AFG2A: variants seen among roughly 807,000 people sequenced by gnomAD.
The protein encoded by AFG2A is AAA ATPase AFG2A.
the AFG2A span, among the ~76,000 whole-genome samples, chr4:123,138,520 G>T: frequency 6.6e-6 from 1 of 151,936 alleles, no homozygotes; most frequent in Non-Finnish European, 1.5e-5. Flanking sequence ...AAACATTTTT[G>T]ATATTGTTGA....
chr4:123,231,955 A>G, the AFG2A span, among the ~76,000 whole-genome samples: 1 of 151,952 alleles, frequency 6.6e-6, no homozygotes, highest in Non-Finnish European at 1.5e-5. Context: ...CAGTAAAAAC[A>G]TCAAAGAACA....
the AFG2A span, among the ~76,000 whole-genome samples, chr4:123,130,489 T>A: frequency 1.3e-5 from 2 of 152,224 alleles, no homozygotes; most frequent in Non-Finnish European, 2.9e-5. Flanking sequence ...TTTGCCCATT[T>A]CCCAAATGTC....
At chr4:123,001,169 A>C in the AFG2A span, among the ~76,000 whole-genome samples, 2 of 146,250 alleles carry the variant, frequency 1.4e-5, no homozygotes, top group East Asian at 4.2e-4. Context: ...ATCATTTTTT[A>C]TTGCGTTTAT....
At chr4:122,923,087 G>C in the AFG2A span, 5 of 1,606,282 alleles carry the variant, frequency 3.1e-6, no homozygotes, top group Non-Finnish European at 4.3e-6. Context: ...TCTCTCAGTT[G>C]AAGCGCGCAC....
the AFG2A span, among the ~76,000 whole-genome samples, chr4:123,040,344 A>G: frequency 6.6e-6 from 1 of 152,178 alleles, no homozygotes; most frequent in African/African-American, 2.4e-5. Context: ...ATTATATGAG[A>G]TTAATCTACA....
chr4:123,194,952 G>T, the AFG2A span, among the ~76,000 whole-genome samples: 1 of 152,090 alleles, frequency 6.6e-6, no homozygotes, highest in Non-Finnish European at 1.5e-5. Context: ...AAGAAAATAA[G>T]CCAAATGCAA....
At chr4:123,090,500 A>G in the AFG2A span, 28 of 1,522,010 alleles carry the variant, frequency 1.8e-5, no homozygotes, top group East Asian at 2.5e-5. Context: ...GTTATAGACT[A>G]TAGAACCTTT....
chr4:123,205,043 A>C, the AFG2A span, among the ~76,000 whole-genome samples: 1 of 152,208 alleles, frequency 6.6e-6, no homozygotes, highest in Admixed American at 6.5e-5. Flanking sequence ...TTTGTCAAGA[A>C]ATTGAGTATT....
the AFG2A span, among the ~76,000 whole-genome samples, chr4:123,251,432 T>C: frequency 1.3e-5 from 2 of 152,146 alleles, no homozygotes; most frequent in Admixed American, 6.5e-5. Flanking sequence ...AGTGTCAAAA[T>C]AGTAAAATTA....
At chr4:123,208,557 T>A in the AFG2A span, among the ~76,000 whole-genome samples, 2 of 152,206 alleles carry the variant, frequency 1.3e-5, no homozygotes, top group African/African-American at 4.8e-5. Context: ...ACCAAATTTT[T>A]ATTTGTTGAC....
chr4:123,078,521 A>C, the AFG2A span, among the ~76,000 whole-genome samples: 1 of 152,214 alleles, frequency 6.6e-6, no homozygotes, highest in Non-Finnish European at 1.5e-5. Context: ...AATTGTATAG[A>C]GGTAAAGAGC....
At chr4:123,054,515 G>T in the AFG2A span, among the ~76,000 whole-genome samples, 2 of 151,874 alleles carry the variant, frequency 1.3e-5, no homozygotes, top group African/African-American at 4.8e-5. Flanking sequence ...TCAGGAGATT[G>T]AGACCATCCT....
At chr4:123,162,121 G>T in the AFG2A span, among the ~76,000 whole-genome samples, 2 of 152,216 alleles carry the variant, frequency 1.3e-5, no homozygotes, top group African/African-American at 4.8e-5. Flanking sequence ...TGTTACTTCA[G>T]AGAGGCAAGA....
chr4:123,248,870 G>A, the AFG2A span, among the ~76,000 whole-genome samples: 4 of 152,134 alleles, frequency 2.6e-5, no homozygotes, highest in Admixed American at 1.3e-4. Context: ...CATTGCCTAT[G>A]TTCAAGGATC....
At chr4:122,943,127 G>C in the AFG2A span, among the ~76,000 whole-genome samples, 1 of 152,218 alleles carries the variant, frequency 6.6e-6, no homozygotes, top group South Asian at 2.1e-4. Context: ...CTGGGGTGGA[G>C]AGTTGTGTAG....
chr4:122,930,217 T>TATCA, the AFG2A span, among the ~76,000 whole-genome samples: 2 of 152,252 alleles, frequency 1.3e-5, no homozygotes, highest in African/African-American at 4.8e-5. Context: ...TGAATCTACC[T>TATCA]ATCAAGGTAG....
At chr4:123,076,133 C>T in the AFG2A span, among the ~76,000 whole-genome samples, 10 of 151,824 alleles carry the variant, frequency 6.6e-5, no homozygotes, top group South Asian at 2.1e-4. Flanking sequence ...TAGCCAGGCA[C>T]GATGGCACAA....
chr4:123,075,434 GA>G, the AFG2A span, among the ~76,000 whole-genome samples: 4 of 151,738 alleles, frequency 2.6e-5, no homozygotes, highest in Non-Finnish European at 5.9e-5. Flanking sequence ...GAGTAGCTGG[GA>G]TTACAGGCGC....
At chr4:123,188,922 G>T in the AFG2A span, among the ~76,000 whole-genome samples, 2 of 152,086 alleles carry the variant, frequency 1.3e-5, no homozygotes, top group African/African-American at 4.8e-5. Flanking sequence ...AATTTCTTTT[G>T]ATTATTTCTA....
Sources: gnomAD v4.1 joint callset for allele counts (sites outside exome capture counted in the v4.1 genomes callset) on GRCh38, gnomAD v4.1.1 for gene constraint, MANE v1.5 for transcripts, NCBI Gene and HGNC (gene_info 2026-07-23, HGNC 2026-07-21) for gene names.